The following CRAMP1 variants were observed in gnomAD, a reference collection of about 807,000 sequenced individuals.
CRAMP1 encodes protein cramped-like.
In CRAMP1, 50 loss-of-function variants were observed where a neutral mutation model predicts 115.4. That is an observed-to-expected ratio of 0.43 (90% CI 0.35 to 0.55). The LOEUF (loss-of-function observed/expected upper bound fraction) is 0.55. Ranked by LOEUF, CRAMP1 falls within the 20% of genes least tolerant of loss-of-function variation. CRAMP1 has a pLI of 0.01. For missense variants in CRAMP1, 1,679 were observed against 1,721.7 expected (o/e 0.98, Z 0.44); for synonymous variants, 866 against 745.4 (o/e 1.16, Z -2.64).
In CRAMP1 at chr16:1,653,031, A is replaced by C. The variant is rs762534593; in HGVS notation, c.914-2A>C. On this transcript the variant is annotated splice_acceptor_variant, in intron 7 of 20. Coordinates refer to ENST00000397412, the MANE Select transcript of CRAMP1 (RefSeq NM_020825.4). LOFTEE classifies it high-confidence loss of function. The stretch of plus-strand genomic sequence containing the variant: ...AACTTTCATGGTTCTTCTGCATTGC[A>C]GGCTTGAGTGATGAAGAGGACCAGA... The C allele has an allele frequency of 6.2e-7, 1 of 1,613,408 alleles. No individual in the cohort carries two copies. The highest frequency in any genetic ancestry group is 8.5e-7 in the Non-Finnish European group (1 of 1,179,690).
At chr16:1,636,097 G>A (rs540292906) in intron 4 of CRAMP1, among the ~76,000 whole-genome samples, 3 of 152,308 alleles carry the variant, frequency 2.0e-5, no homozygotes, top group Non-Finnish European at 2.9e-5. Context: ...GAGGCCAGGC[G>A]TGGTGGCTCA....
chr16:1,616,204 G>A (rs1488691146), intron 2 of CRAMP1, among the ~76,000 whole-genome samples: 1 of 152,226 alleles, frequency 6.6e-6, no homozygotes, highest in Non-Finnish European at 1.5e-5. Flanking sequence ...AAACATGAGT[G>A]GCTTTGCTTG....
chr16:1,638,064 G>T (rs1052299994), intron 5 of CRAMP1, among the ~76,000 whole-genome samples, 157 bp downstream of exon 5: 1 of 152,108 alleles, frequency 6.6e-6, no homozygotes, highest in Non-Finnish European at 1.5e-5. Flanking sequence ...GTGCTCTTTA[G>T]CTTAGATGGA....
rs561132187 is a variant in CRAMP1, at chr16:1,669,334, T to C, written c.3499+169T>C. Reference sequence around the variant, plus strand: ...AATATTTTTGGGTGTAATTTACATGTAGGAAAATGTACACATTTTTAGTGT... The same window carrying C: ...AATATTTTTGGGTGTAATTTACATGCAGGAAAATGTACACATTTTTAGTGT... On this transcript the variant is annotated intron_variant, in intron 19 of 20. Coordinates refer to ENST00000397412, the MANE Select transcript of CRAMP1 (RefSeq NM_020825.4). This position sits in a 1 kb window ranked among gnomAD's most constrained non-coding sequence, Gnocchi z 4.6. 6.6e-6 allele frequency among the ~76,000 whole-genome samples: 1 copy of C among 152,350 alleles called. No homozygotes were observed. Among genetic ancestry groups the C allele is most frequent in the South Asian group, 2.1e-4 (1 of 4,832 alleles).
chr16:1,633,233 C>G (rs2036560567), intron 4 of CRAMP1, among the ~76,000 whole-genome samples: 2 of 152,332 alleles, frequency 1.3e-5, no homozygotes, highest in South Asian at 4.1e-4. Flanking sequence ...GTTATGGCAT[C>G]TTGACCATGG....
intron 3 of CRAMP1, among the ~76,000 whole-genome samples, chr16:1,628,805 G>T (rs1314552114): frequency 6.6e-6 from 1 of 152,210 alleles, no homozygotes; most frequent in Non-Finnish European, 1.5e-5. Flanking sequence ...TGGATGCAGG[G>T]ACCCCACCGC....
chr16:1,675,782 A>G lies in CRAMP1; in HGVS notation c.*1737A>G, dbSNP rs1356447646. ...CTTCCCTCCTTCAGACATTGACATG[A>G]GATCTTAAGCAAACAGTCCCAAACC... On this transcript the variant is annotated 3_prime_UTR_variant, in exon 21 of 21. Coordinates refer to ENST00000397412, the MANE Select transcript of CRAMP1 (RefSeq NM_020825.4). The G allele has an allele frequency of 3.3e-5, 5 of 152,238 alleles. No homozygotes were observed. The highest frequency in any genetic ancestry group is 2.6e-4 in the Admixed American group (4 of 15,288). The allele number at this position is 152,238 out of a possible 1,614,324, so 9.4% of individuals were successfully genotyped here.
At chr16:1,660,146 G>A in intron 11 of CRAMP1, 83 bp downstream of exon 11, 1 of 1,248,906 alleles carries the variant, frequency 8.0e-7, no homozygotes, top group Non-Finnish European at 1.1e-6. Context: ...GAAGCTGAGA[G>A]CACAGGTGTG....
In CRAMP1 at chr16:1,662,687, C is replaced by T. The variant is rs775815470; in HGVS notation, c.2595+16C>T. 84 of 1,613,708 alleles carry T rather than the reference C, an allele frequency of 5.2e-5. No homozygotes were observed. The highest frequency in any genetic ancestry group is 1.2e-4 in the Admixed American group (7 of 60,002). The stretch of plus-strand genomic sequence containing the variant: ...CTCCATCAGTGTGAGTGTGTGGGGC[C>T]GGGCCGCCCGCGTGCGAGCGTCCCC... On this transcript the variant is annotated intron_variant, in intron 12 of 20. Coordinates refer to ENST00000397412, the MANE Select transcript of CRAMP1 (RefSeq NM_020825.4).
At chr16:1,626,207 C>A (rs1014858987) in intron 3 of CRAMP1, 41 bp downstream of exon 3, 12 of 1,427,882 alleles carry the variant, frequency 8.4e-6, no homozygotes, top group Non-Finnish European at 1.1e-5. Flanking sequence ...GCCTGGGCGT[C>A]CCTCTCGGAT....
Position 1,662,461 on chromosome 16 carries a change from C to T in CRAMP1, c.2414-29C>T, listed in dbSNP as rs1567460484. ...GGACCTGTTGCTAGGTGAATGCTGT[C>T]ACACTGATTCTCTCCTCTCCTCTCC... On this transcript the variant is annotated intron_variant, in intron 11 of 20. Coordinates refer to ENST00000397412, the MANE Select transcript of CRAMP1 (RefSeq NM_020825.4). 2.5e-6 allele frequency: 4 copies of T among 1,581,004 alleles called. No homozygotes were observed. In the South Asian group the frequency reaches 4.4e-5, roughly 18 times the overall value.
intron 4 of CRAMP1, among the ~76,000 whole-genome samples, chr16:1,636,093 A>G (rs2036586473): frequency 6.6e-6 from 1 of 152,214 alleles, no homozygotes; most frequent in Non-Finnish European, 1.5e-5. Flanking sequence ...TGATGAGGCC[A>G]GGCGTGGTGG....
Position 1,626,065 on chromosome 16 carries a change from G to C in CRAMP1, c.439G>C (p.Gly147Arg). 1 of 1,551,564 alleles carries C rather than the reference G, an allele frequency of 6.4e-7. No homozygotes were observed. The highest frequency in any genetic ancestry group is 8.7e-7 in the Non-Finnish European group (1 of 1,146,906). Reference sequence around the variant, plus strand: ...CTCGCGCTCCTCCTCCCGGAACTTAGGGTCTTCTGGTGGCGAGAAGGAAGA... The same window carrying C: ...CTCGCGCTCCTCCTCCCGGAACTTACGGTCTTCTGGTGGCGAGAAGGAAGA... The part of the protein sequence containing the change: ...GGSRSSSRNL[G>R]SSGGEKEEGK... The change falls in exon 3 of 21, where the codon GGG becomes CGG. Residue 147 changes from glycine to arginine, a missense_variant. Coordinates refer to ENST00000397412, the MANE Select transcript of CRAMP1 (RefSeq NM_020825.4).
rs529568619 is a variant in CRAMP1, at chr16:1,666,354, G to T, written c.2858-68G>T. On this transcript the variant is annotated intron_variant, in intron 15 of 20. Transcript: ENST00000397412. This position sits in a 1 kb window ranked among gnomAD's most constrained non-coding sequence, Gnocchi z 5.0. ...AGGTGCGAGGGAGAAGCTGTTCCCC[G>T]AGCCCTCTTGGGACATCTTATGGGT... 3 of 1,476,532 alleles carry T rather than the reference G, an allele frequency of 2.0e-6. No individual in the cohort carries two copies. The highest frequency in any genetic ancestry group is 1.7e-4 in the Middle Eastern group (1 of 5,784). 91.5% of individuals were successfully genotyped at this position (1,476,532 alleles called of 1,614,324 possible).
intron 2 of CRAMP1, among the ~76,000 whole-genome samples, chr16:1,618,000 C>T (rs555768316): frequency 6.6e-6 from 1 of 152,318 alleles, no homozygotes; most frequent in South Asian, 2.1e-4. Flanking sequence ...AACAGACATT[C>T]CTGCAGCTCT....
chr16:1,646,269 C>G (rs2142190246), intron 6 of CRAMP1, among the ~76,000 whole-genome samples: 1 of 152,292 alleles, frequency 6.6e-6, no homozygotes, highest in Middle Eastern at 3.4e-3. Context: ...TTTTCGGTCC[C>G]CAGGAGGAGG....
chr16:1,626,081 A>G lies in CRAMP1; in HGVS notation c.455A>G (p.Glu152Gly). The change falls in exon 3 of 21, where the codon GAG becomes GGG. Residue 152 changes from glutamate (E) to glycine (G), a missense_variant. This residue lies in a region of CRAMP1 where 264 missense variants were observed against 229.7 expected (regional missense o/e 1.15). Coordinates refer to ENST00000397412, the MANE Select transcript of CRAMP1 (RefSeq NM_020825.4). ...CGGAACTTAGGGTCTTCTGGTGGCG[A>G]GAAGGAAGAAGGCAAAAAGGTCCGG... The part of the protein sequence containing the change: ...SSRNLGSSGG[E>G]KEEGKKVRRQ... 6.4e-7 allele frequency: 1 copy of G among 1,551,322 alleles called. No individual in the cohort carries two copies. The highest frequency in any genetic ancestry group is 1.4e-5 in the African/African-American group (1 of 73,134).
intron 4 of CRAMP1, among the ~76,000 whole-genome samples, chr16:1,635,510 C>A (rs1004771651): frequency 6.6e-6 from 1 of 152,320 alleles, no homozygotes; most frequent in Admixed American, 6.5e-5. Context: ...GGCCGTGGGG[C>A]CAGGCGGGGC....
At chr16:1,664,615 C>G (rs947996084) in intron 13 of CRAMP1, among the ~76,000 whole-genome samples, 4 of 152,084 alleles carry the variant, frequency 2.6e-5, no homozygotes, top group Non-Finnish European at 5.9e-5. Context: ...CCCGTCTCTA[C>G]TAAAAATACA....
Sources: gnomAD v4.1 joint callset for allele counts (sites outside exome capture counted in the v4.1 genomes callset) on GRCh38, gnomAD v4.1.1 for gene constraint, gnomAD v4.1.1 regional missense constraint, Gnocchi (gnomAD v3.1) non-coding constraint, MANE v1.5 for transcripts, NCBI Gene and HGNC (gene_info 2026-07-23, HGNC 2026-07-21) for gene names.